Variants in TAB2 observed in about 807,000 individuals in gnomAD.
The protein encoded by TAB2 is TGF-beta-activated kinase 1 and MAP3K7-binding protein 2.
In TAB2, 3 loss-of-function variants were observed where a neutral mutation model predicts 65.0. That is an observed-to-expected ratio of 0.05 (90% CI 0.02 to 0.12). The LOEUF is 0.12. Ranked by LOEUF, TAB2 falls within the 10% of genes least tolerant of loss-of-function variation. TAB2 has a pLI of 1.00. For missense variants in TAB2, 623 were observed against 840.3 expected, an observed-to-expected ratio of 0.74 and a Z score of 3.20; for synonymous variants, 298 against 285.1, an observed-to-expected ratio of 1.05 and a Z score of -0.46.
At chr6:149,317,361 C>A (rs1215461054), upstream of TAB2, among the ~76,000 whole-genome samples, 1 of 151,800 alleles carries the variant, frequency 6.6e-6, no homozygotes, top group Non-Finnish European at 1.5e-5. This position sits in a 1 kb window ranked among gnomAD's most constrained non-coding sequence, Gnocchi z 4.7. Flanking sequence ...GTAGAGACTG[C>A]GAGTGTCGGG....
chr6:149,381,916 A>G (rs1052269266), intron 3 of TAB2, among the ~76,000 whole-genome samples: 9 of 152,124 alleles, frequency 5.9e-5, no homozygotes, highest in African/African-American at 1.9e-4. Context: ...GGTCTCAGCA[A>G]TCATCACCTT....
intron 1 of TAB2, among the ~76,000 whole-genome samples, chr6:149,288,581 G>C (rs1583066396): frequency 6.6e-6 from 1 of 152,128 alleles, no homozygotes; most frequent in East Asian, 1.9e-4. Flanking sequence ...GAAAAAGTAA[G>C]TCCAATTAGT....
intron 1 of TAB2, among the ~76,000 whole-genome samples, chr6:149,287,920 A>G (rs1416794497): frequency 6.6e-6 from 1 of 152,216 alleles, no homozygotes; most frequent in African/African-American, 2.4e-5. Context: ...TTCTCACTAT[A>G]TAGTATTTGG....
chr6:149,219,496 CAACT>C (rs1475562294), intron 1 of TAB2, among the ~76,000 whole-genome samples: 3 of 152,226 alleles, frequency 2.0e-5, no homozygotes, highest in South Asian at 2.1e-4. Flanking sequence ...ATTGAGATAC[CAACT>C]GAGTTATTGT....
At chr6:149,356,090 G>A (rs1408991957) in intron 1 of TAB2, among the ~76,000 whole-genome samples, 2 of 152,174 alleles carry the variant, frequency 1.3e-5, no homozygotes, top group East Asian at 3.8e-4. Context: ...AATCTGTTCT[G>A]ATACCTCCTA....
At position 149,228,454 on chromosome 6, in the gene TAB2, C is replaced by T. The variant is rs191837485; in HGVS notation, c.-121+9678C>T. Among the ~76,000 whole-genome samples the T allele has an allele frequency of 3.9e-5, 6 of 152,254 alleles. No homozygotes were observed. In the East Asian group the frequency reaches 1.2e-3, roughly 29 times the overall value. ...GAATGGAAGAGTGCATTATACTGTA[C>T]GGAGCTCTCAACTCTGACTTCCTCA... On this transcript the variant is annotated intron_variant, in intron 1 of 1. Coordinates refer to the TAB2 transcript ENST00000606202.
In TAB2 at chr6:149,317,823, C is replaced by T. The variant is rs1238635991; in HGVS notation, c.-282C>T. On this transcript the variant is annotated 5_prime_UTR_variant, in exon 1 of 7. Coordinates refer to ENST00000637181, the MANE Select transcript of TAB2 (RefSeq NM_001292034.3). This position sits in a 1 kb window ranked among gnomAD's most constrained non-coding sequence, Gnocchi z 4.7. Reference sequence around the variant, plus strand: ...GGCGGCCGGAGGGAGTTGGCGGCGGCGGGCGAGCGGAGGGGGCTGAGCGGG... The same window carrying T: ...GGCGGCCGGAGGGAGTTGGCGGCGGTGGGCGAGCGGAGGGGGCTGAGCGGG... 1 of 159,466 alleles carries T rather than the reference C, an allele frequency of 6.3e-6. No homozygotes were observed. The highest frequency in any genetic ancestry group is 1.4e-5 in the Non-Finnish European group (1 of 73,850). The allele number at this position is 159,466 out of a possible 1,614,324, so 9.9% of individuals were successfully genotyped here.
intron 1 of TAB2, chr6:149,244,767 A>G (rs1777674429): frequency 6.6e-6 from 1 of 152,082 alleles, no homozygotes; most frequent in East Asian, 1.9e-4. Context: ...GCCTGTAATC[A>G]TAGCTACTCA....
At chr6:149,248,467 GGAAA>G (rs1393044909) in intron 1 of TAB2, among the ~76,000 whole-genome samples, 13 of 147,412 alleles carry the variant, frequency 8.8e-5, no homozygotes, top group Non-Finnish European at 1.1e-4. Flanking sequence ...AAGGAAGGAA[GGAAA>G]GAAAGAAAGA....
chr6:149,405,288 GA>G, intron 6 of TAB2, among the ~76,000 whole-genome samples: 1 of 152,328 alleles, frequency 6.6e-6, no homozygotes, highest in Non-Finnish European at 1.5e-5. Flanking sequence ...AGGACAAAGA[GA>G]AAAGAGAACG....
At chr6:149,296,541 G>T (rs1167657808) in intron 1 of TAB2, among the ~76,000 whole-genome samples, 1 of 152,012 alleles carries the variant, frequency 6.6e-6, no homozygotes, top group Non-Finnish European at 1.5e-5. Context: ...GTTATATCCA[G>T]CCTTTTTAGT....
At chr6:149,239,948 G>A (rs574226780) in intron 1 of TAB2, among the ~76,000 whole-genome samples, 1 of 152,218 alleles carries the variant, frequency 6.6e-6, no homozygotes, top group African/African-American at 2.4e-5. Flanking sequence ...TCAGTCACAG[G>A]ACTAGAAGCA....
intron 1 of TAB2, among the ~76,000 whole-genome samples, chr6:149,232,158 A>C (rs1011276337): frequency 1.3e-5 from 2 of 152,148 alleles, no homozygotes; most frequent in African/African-American, 4.8e-5. Flanking sequence ...CAGCAGAAAT[A>C]AGGAAGAGGG....
intron 1 of TAB2, among the ~76,000 whole-genome samples, chr6:149,295,917 G>A (rs1203371838): frequency 3.9e-5 from 6 of 152,026 alleles, no homozygotes; most frequent in Admixed American, 6.6e-5. Context: ...GACTACAGGC[G>A]CATACTACTA....
chr6:149,379,324 C>G lies in TAB2; in HGVS notation c.1409C>G (p.Pro470Arg). 6.2e-7 allele frequency: 1 copy of G among 1,614,188 alleles called. No homozygotes were observed. Among genetic ancestry groups the G allele is most frequent in the Non-Finnish European group, 8.5e-7 (1 of 1,180,048 alleles). Residue 470 changes from proline to arginine, a missense_variant, in exon 3 of 7, where the codon CCC becomes CGC. Pro to Arg is a moderately radical substitution (Grantham distance 103). This residue lies in a region of TAB2 where 550 missense variants were observed against 665.7 expected (regional missense o/e 0.83). Transcript: ENST00000637181. ...TACACTTTCAAAATTACAGTCTCTC[C>G]CAATAAGCCCCCTGCAGTTTCACCA... ...TKYTFKITVS[P>R]NKPPAVSPGV...
intron 1 of TAB2, chr6:149,244,442 G>A (rs778658504): frequency 6.6e-6 from 1 of 152,342 alleles, no homozygotes; most frequent in African/African-American, 2.4e-5. Flanking sequence ...TGCTGACGGA[G>A]CATGAAGGAG....
intron 1 of TAB2, among the ~76,000 whole-genome samples, chr6:149,281,245 A>G (rs1022631587): frequency 1.3e-5 from 2 of 152,162 alleles, no homozygotes; most frequent in Non-Finnish European, 2.9e-5. Context: ...GACAGGGAGA[A>G]GTAGAAATGG....
At chr6:149,360,873 G>A (rs933229228) in intron 1 of TAB2, among the ~76,000 whole-genome samples, 26 of 152,198 alleles carry the variant, frequency 1.7e-4, no homozygotes, top group Non-Finnish European at 7.3e-5. Context: ...TTGGCCAAAA[G>A]AAAGGGGCTA....
chr6:149,360,185 CT>C (rs985819483), intron 1 of TAB2, among the ~76,000 whole-genome samples: 3 of 151,538 alleles, frequency 2.0e-5, no homozygotes, highest in Non-Finnish European at 2.9e-5. Context: ...AAATGATAGC[CT>C]TTTTTTTCTG....
Sources: gnomAD v4.1 joint callset for allele counts (sites outside exome capture counted in the v4.1 genomes callset) on GRCh38, gnomAD v4.1.1 for gene constraint, gnomAD v4.1.1 regional missense constraint, Gnocchi (gnomAD v3.1) non-coding constraint, MANE v1.5 for transcripts, NCBI Gene and HGNC (gene_info 2026-07-23, HGNC 2026-07-21) for gene names.